The following CDH13 variants were observed in gnomAD, a reference collection of about 807,000 sequenced individuals.
CDH13 encodes the protein cadherin 13.
CDH13 carries 24 observed loss-of-function variants against 63.8 expected under a neutral mutation model. The ratio of observed to expected loss-of-function variants is 0.38; its 90% CI spans 0.27 to 0.53. The LOEUF (loss-of-function observed/expected upper bound fraction) is 0.53. CDH13 is among the 20% of genes least tolerant of loss of function. CDH13 has a pLI of 0.85. For missense variants in CDH13, 1,049 were observed against 903.1 expected, an observed-to-expected ratio of 1.16 and a Z score of -2.07; for synonymous variants, 503 against 355.3, an observed-to-expected ratio of 1.42 and a Z score of -4.67.
chr16:82,963,734 G>C (rs551197130), intron 2 of CDH13, among the ~76,000 whole-genome samples: 1 of 152,246 alleles, frequency 6.6e-6, no homozygotes, highest in South Asian at 2.1e-4. Context: ...AGTCCATAAA[G>C]CTGGATGATT....
chr16:82,738,575 A>T (rs2033791891), intron 1 of CDH13, among the ~76,000 whole-genome samples: 1 of 152,188 alleles, frequency 6.6e-6, no homozygotes, highest in African/African-American at 2.4e-5. Context: ...ATGCACTTTT[A>T]CACTTTTCTC....
chr16:82,877,678 CA>C (rs1208867919), intron 2 of CDH13, among the ~76,000 whole-genome samples: 2 of 152,098 alleles, frequency 1.3e-5, no homozygotes, highest in Non-Finnish European at 2.9e-5. Context: ...TGTGAAAATG[CA>C]CAGTAAATAT....
intron 2 of CDH13, among the ~76,000 whole-genome samples, chr16:82,923,889 C>T (rs1313637256): frequency 1.3e-5 from 2 of 152,314 alleles, no homozygotes; most frequent in African/African-American, 2.4e-5. Flanking sequence ...CCTGGTTCTG[C>T]ATTTTCCCAG....
chr16:83,137,064 C>A (rs1054615460), intron 4 of CDH13, among the ~76,000 whole-genome samples: 2 of 152,300 alleles, frequency 1.3e-5, no homozygotes, highest in Admixed American at 1.3e-4. Context: ...TGGAAGGGGT[C>A]AGGGGGCACA....
At chr16:82,882,864 G>GA (rs2040754364) in intron 2 of CDH13, among the ~76,000 whole-genome samples, 1 of 151,854 alleles carries the variant, frequency 6.6e-6, no homozygotes. Context: ...GATATTAGGA[G>GA]AAAAAAAGGA....
At chr16:82,698,951 T>TA (rs1331576692) in intron 1 of CDH13, among the ~76,000 whole-genome samples, 5 of 152,016 alleles carry the variant, frequency 3.3e-5, no homozygotes, top group Admixed American at 6.6e-5. Flanking sequence ...TTTAAAAATG[T>TA]AAAAAAACAG....
intron 4 of CDH13, among the ~76,000 whole-genome samples, chr16:83,200,075 C>G (rs2038981921): frequency 6.6e-6 from 1 of 152,156 alleles, no homozygotes; most frequent in Admixed American, 6.5e-5. Flanking sequence ...CATTCCTTAC[C>G]TGATTCACAC....
chr16:83,576,185 G>A (rs1165326201), intron 7 of CDH13, among the ~76,000 whole-genome samples: 2 of 151,928 alleles, frequency 1.3e-5, no homozygotes, highest in Non-Finnish European at 2.9e-5. Context: ...CCCAGTCCCT[G>A]GCTAAAAACA....
At chr16:83,464,840 A>T (rs979724284) in intron 6 of CDH13, among the ~76,000 whole-genome samples, 26 of 152,172 alleles carry the variant, frequency 1.7e-4, no homozygotes, top group Non-Finnish European at 3.4e-4. Flanking sequence ...ATGGGGTTTC[A>T]CCAAGTTGCC....
chr16:82,697,063 C>G (rs1247373820), intron 1 of CDH13, among the ~76,000 whole-genome samples: 1 of 152,140 alleles, frequency 6.6e-6, no homozygotes, highest in Non-Finnish European at 1.5e-5. Flanking sequence ...CCAGTTATGT[C>G]CCAATTTTGG....
rs181951948 is a variant in CDH13 at position 83,457,189 on chromosome 16, G to A, written c.782-29288G>A. ...GCTCCGCAGTTCCTTTAATCACTGGGGGTAATAAGAGCACTGACACCTTAC... is the reference window on the plus strand; with the variant it reads ...GCTCCGCAGTTCCTTTAATCACTGGAGGTAATAAGAGCACTGACACCTTAC... On this transcript the variant is annotated intron_variant, in intron 6 of 13. Coordinates refer to ENST00000567109, the MANE Select transcript of CDH13 (RefSeq NM_001257.5). Among the ~76,000 whole-genome samples the A allele has an allele frequency of 9.2e-5, 14 of 152,266 alleles. No homozygotes were observed. In the East Asian group the frequency reaches 2.5e-3, roughly 27 times the overall value.
chr16:83,542,565 C>A (rs1432157719), intron 7 of CDH13, among the ~76,000 whole-genome samples: 15 of 152,206 alleles, frequency 9.9e-5, no homozygotes, highest in Non-Finnish European at 1.6e-4. Flanking sequence ...AATGTATTCT[C>A]CCATGGTTCT....
At chr16:83,582,773 A>C (rs1905744695) in intron 7 of CDH13, among the ~76,000 whole-genome samples, 1 of 152,218 alleles carries the variant, frequency 6.6e-6, no homozygotes, top group African/African-American at 2.4e-5. Context: ...AGCTCTCTTG[A>C]AAATGTAAAA....
At chr16:83,180,970 A>T (rs887947212) in intron 4 of CDH13, 20 of 1,532,132 alleles carry the variant, frequency 1.3e-5, no homozygotes, top group South Asian at 1.1e-4. Flanking sequence ...TGAACATCCT[A>T]TTTGGCGACA....
intron 2 of CDH13, among the ~76,000 whole-genome samples, chr16:83,019,854 AC>A (rs771577198): frequency 2.8e-4 from 42 of 150,796 alleles, no homozygotes; most frequent in Non-Finnish European, 5.2e-4. Context: ...AAAAAAAAAA[AC>A]AATAAAAACG....
At chr16:83,533,905 G>A (rs549638365) in intron 7 of CDH13, among the ~76,000 whole-genome samples, 1 of 152,286 alleles carries the variant, frequency 6.6e-6, no homozygotes, top group East Asian at 1.9e-4. Context: ...ACAGGCATGA[G>A]CCACAGTGCC....
rs576953917 is a variant in CDH13, at chr16:82,847,365, G to A, written c.46-10997G>A. ...GCATTCTTTTCTGGAGTCTCATGGGGAGAATTCCCTTTATGCCATCTCCAG... is the reference window on the plus strand; with the variant it reads ...GCATTCTTTTCTGGAGTCTCATGGGAAGAATTCCCTTTATGCCATCTCCAG... On this transcript the variant is annotated intron_variant, in intron 1 of 13. Coordinates refer to ENST00000567109, the MANE Select transcript of CDH13 (RefSeq NM_001257.5). Among the ~76,000 whole-genome samples, 54 of 152,314 alleles carry A rather than the reference G, an allele frequency of 3.5e-4. 1 individual carries two copies. The highest frequency in any genetic ancestry group is 1.2e-3 in the African/African-American group (48 of 41,576).
At chr16:83,097,399 A>AT (rs1272284154) in intron 3 of CDH13, among the ~76,000 whole-genome samples, 1 of 152,222 alleles carries the variant, frequency 6.6e-6, no homozygotes, top group Non-Finnish European at 1.5e-5. Context: ...CTAGTCTTCT[A>AT]TTTTTATTTT....
chr16:83,390,405 C>T (rs1275515500), intron 6 of CDH13, among the ~76,000 whole-genome samples: 1 of 151,858 alleles, frequency 6.6e-6, no homozygotes, highest in Non-Finnish European at 1.5e-5. Flanking sequence ...GGCCCTGGAG[C>T]AGTAGATCTT....
Sources: allele counts gnomAD v4.1 joint callset (sites outside exome capture counted in the v4.1 genomes callset), GRCh38; gene constraint gnomAD v4.1.1; transcripts MANE v1.5; gene names NCBI Gene and HGNC (gene_info 2026-07-23, HGNC 2026-07-21).